Variants in C17orf99 observed in about 807,000 individuals in gnomAD.
C17orf99 encodes the protein protein IL-40.
A neutral mutation model predicts 22.6 loss-of-function variants in C17orf99; 18 were observed. That is an observed-to-expected ratio of 0.80 (90% CI 0.55 to 1.18). The LOEUF (loss-of-function observed/expected upper bound fraction) is 1.18, where lower values mean the gene tolerates loss of function less well. C17orf99 is among the 50% of genes most tolerant of loss of function. The probability of loss-of-function intolerance (pLI) is 0.00; values close to 1 mark genes in which losing one functional copy is unlikely to be tolerated. For synonymous variants in C17orf99, 147 were observed against 136.6 expected (o/e 1.08, Z -0.53); for missense variants, 328 against 342.7 (o/e 0.96, Z 0.34).
Position 78,161,046 on chromosome 17 carries a change from AC to A in C17orf99, c.164del (p.Pro55HisfsTer21). On this transcript the variant is annotated frameshift_variant, in exon 3 of 5. Coordinates refer to ENST00000340363, the MANE Select transcript of C17orf99 (RefSeq NM_001163075.2). LOFTEE classifies it high-confidence loss of function. ...TCATAACCTGCTGTGCACCCCAGCC[AC>A]CACCGCCCATCACCTATTCCCTCTG... is the stretch of plus-strand genomic sequence containing the variant. ...VLITCCAPQP[P>X]PPITYSLCGT... is the part of the protein sequence containing the mutation. 6.4e-7 allele frequency: 1 copy of A among 1,551,698 alleles called. No individual in the cohort carries two copies.
rs560 is a variant in C17orf99 at position 78,166,054 on chromosome 17, C to T, written c.*8C>T. On this transcript the variant is annotated 3_prime_UTR_variant, in exon 5 of 5. Coordinates refer to ENST00000340363, the MANE Select transcript of C17orf99 (RefSeq NM_001163075.2). Reference sequence around the variant, plus strand: ...AAAGCAGCAGCCATGTAGAATGAACCGTCCAGAGAGCCAAGCACGGCAGAG... The same window carrying T: ...AAAGCAGCAGCCATGTAGAATGAACTGTCCAGAGAGCCAAGCACGGCAGAG... 0.052 allele frequency: 62,882 copies of T among 1,209,840 alleles called. 2,634 individuals carry two copies. Among genetic ancestry groups the T allele is most frequent in the African/African-American group, 0.19 (12,233 of 65,086 alleles). The allele number at this position is 1,209,840 out of a possible 1,614,324, so 74.9% of individuals were successfully genotyped here. A position where few individuals can be genotyped will look rare whatever the true frequency, so the allele number is the denominator to read the frequency against.
rs542928772 is a variant in C17orf99, at chr17:78,165,299, C to T, written c.641-590C>T. On this transcript the variant is annotated intron_variant, in intron 4 of 4. Coordinates refer to ENST00000340363, the MANE Select transcript of C17orf99 (RefSeq NM_001163075.2). Reference sequence around the variant, plus strand: ...CCTCTGCCCGTGGCCCAGGCCCTTACGTGGCTCTACCAGGAGTCTGTCCTT... The same window carrying T: ...CCTCTGCCCGTGGCCCAGGCCCTTATGTGGCTCTACCAGGAGTCTGTCCTT... The T allele has an allele frequency of 1.0e-3, 1,035 of 985,980 alleles. 2 individuals carry two copies. Among genetic ancestry groups the T allele is most frequent in the Middle Eastern group, 7.8e-3 (15 of 1,918 alleles). 61.1% of individuals were successfully genotyped at this position (985,980 alleles called of 1,614,324 possible). A position where few individuals can be genotyped will look rare whatever the true frequency, so the allele number is the denominator to read the frequency against.
Position 78,164,467 on chromosome 17 carries a change from C to T in C17orf99, c.640+103C>T, listed in dbSNP as rs149977145. ...CGATGGGAAGTGGGACAGCTCTACC[C>T]GGCCACTGCTGAGAGCAGAGAGGGC... is the stretch of plus-strand genomic sequence containing the variant. On this transcript the variant is annotated intron_variant, in intron 4 of 4. Coordinates refer to ENST00000340363, the MANE Select transcript of C17orf99 (RefSeq NM_001163075.2). 3.0e-4 allele frequency: 461 copies of T among 1,546,412 alleles called. 3 individuals carry two copies. The African/African-American group carries it at 5.1e-3, about 17-fold the overall frequency.
In C17orf99 at chr17:78,160,172, T is replaced by C. The variant is rs568751646; in HGVS notation, c.71-783T>C. ...TTTTCTTTCTTTCTTTTTTCTTTAC[T>C]CTGAGGTCTACTGGTTTCACTTATT... On this transcript the variant is annotated intron_variant, in intron 2 of 4. Coordinates refer to ENST00000340363, the MANE Select transcript of C17orf99 (RefSeq NM_001163075.2). 6.5e-4 allele frequency: 295 copies of C among 454,432 alleles called. 2 individuals are homozygous for C. The highest frequency in any genetic ancestry group is 1.2e-3 in the Non-Finnish European group (269 of 226,542). The allele number at this position is 454,432 out of a possible 1,614,324, so 28.1% of individuals were successfully genotyped here.
intron 2 of C17orf99, among the ~76,000 whole-genome samples, chr17:78,149,114 C>G (rs1158470197): frequency 6.6e-6 from 1 of 151,938 alleles, no homozygotes; most frequent in Non-Finnish European, 1.5e-5. Context: ...GGCAGATCAC[C>G]TGAGGTCAGG....
At chr17:78,150,044 T>C (rs1267915967) in intron 2 of C17orf99, among the ~76,000 whole-genome samples, 1 of 148,942 alleles carries the variant, frequency 6.7e-6, no homozygotes, top group African/African-American at 2.5e-5. Context: ...GGTCTTGCCA[T>C]GTTGCCCAGG....
Position 78,166,152 on chromosome 17 carries a change from CCACAAA to C in C17orf99, c.*107_*112del. The C allele has an allele frequency of 4.6e-6, 1 of 215,918 alleles. No individual in the cohort carries two copies. The allele number at this position is 215,918 out of a possible 1,614,324, so 13.4% of individuals were successfully genotyped here. A position where few individuals can be genotyped will look rare whatever the true frequency, so the allele number is the denominator to read the frequency against. ...AATGAGTGTGTTTTAGCTGCTCTTGCCACAAAAAAAAAAAAAAAAAAAAAAGGGTAA... is the reference window on the plus strand; with the variant it reads ...AATGAGTGTGTTTTAGCTGCTCTTGCAAAAAAAAAAAAAAAAAAAGGGTAA... On this transcript the variant is annotated 3_prime_UTR_variant, in exon 5 of 5. Transcript: ENST00000340363.
chr17:78,152,554 C>T (rs959767416), intron 2 of C17orf99, among the ~76,000 whole-genome samples: 33 of 151,788 alleles, frequency 2.2e-4, no homozygotes, highest in African/African-American at 7.2e-4. Context: ...CGGCTGGTCT[C>T]GAACTTCTGA....
chr17:78,146,486 C>A lies in C17orf99; in HGVS notation c.37+42C>A. 6.5e-7 allele frequency: 1 copy of A among 1,540,612 alleles called. No individual in the cohort carries two copies. On this transcript the variant is annotated intron_variant, in intron 1 of 4. Coordinates refer to ENST00000340363, the MANE Select transcript of C17orf99 (RefSeq NM_001163075.2). This position sits in a 1 kb window ranked among gnomAD's most constrained non-coding sequence, Gnocchi z 5.2. ...CGTGATGGTGGGGCTGCTGCTGGGG[C>A]CTTGAGGTCTTGGGCTCAGGTGGGG...
rs61377640 is a variant in C17orf99 at position 78,166,155 on chromosome 17, CAAAAAAA to C, written c.*125_*131del. ...GAGTGTGTTTTAGCTGCTCTTGCCA[CAAAAAAA>C]AAAAAAAAAAAAAAAGGGTAACTAT... On this transcript the variant is annotated 3_prime_UTR_variant, in exon 5 of 5. Coordinates refer to ENST00000340363, the MANE Select transcript of C17orf99 (RefSeq NM_001163075.2). The C allele has an allele frequency of 3.9e-3, 560 of 145,404 alleles. No individual in the cohort carries two copies. Among genetic ancestry groups the C allele is most frequent in the Middle Eastern group, 4.9e-3 (2 of 408 alleles). The allele number at this position is 145,404 out of a possible 1,614,324, so 9.0% of individuals were successfully genotyped here. A position where few individuals can be genotyped will look rare whatever the true frequency, so the allele number is the denominator to read the frequency against.
chr17:78,162,336 T>TCAAACCCCACTCTGTCCAGCTC (rs2075584531), intron 3 of C17orf99, among the ~76,000 whole-genome samples: 1 of 150,274 alleles, frequency 6.7e-6, no homozygotes, highest in Non-Finnish European at 1.5e-5. Context: ...AAGGCTGCTT[T>TCAAACCCCACTCTGTCCAGCTC]CAAACCCCAC....
intron 2 of C17orf99, chr17:78,157,343 C>CGGCGGT: frequency 1.3e-6 from 1 of 755,130 alleles, no homozygotes; most frequent in South Asian, 1.6e-5. Context: ...GCGGCGGCGG[C>CGGCGGT]GGCGGTGGGC....
chr17:78,160,030 T>C (rs557713916), intron 2 of C17orf99: 4 of 454,370 alleles, frequency 8.8e-6, no homozygotes, highest in Middle Eastern at 3.3e-4. Context: ...CATGAGCGTG[T>C]GTGTACAGGT....
intron 4 of C17orf99, 61 bp from the exon 5 acceptor site, chr17:78,165,828 C>T: frequency 1.6e-6 from 2 of 1,280,102 alleles, no homozygotes; most frequent in South Asian, 3.0e-5. Context: ...TCTCAGACGC[C>T]TCGGGAGGGG....
chr17:78,164,564 A>G (rs2075603896), intron 4 of C17orf99, 200 bp downstream of exon 4: 5 of 1,532,456 alleles, frequency 3.3e-6, no homozygotes, highest in Non-Finnish European at 4.4e-6. Flanking sequence ...GCCCCCTCCC[A>G]GGAGGGTTGC....
intron 4 of C17orf99, chr17:78,165,058 G>A (rs916834598): frequency 2.5e-5 from 26 of 1,056,772 alleles, no homozygotes; most frequent in Admixed American, 5.4e-5. Flanking sequence ...CAGTCTTTCC[G>A]AGGTGGTGGC....
At chr17:78,155,122 C>T (rs1038864457) in intron 2 of C17orf99, among the ~76,000 whole-genome samples, 4 of 123,324 alleles carry the variant, frequency 3.2e-5, no homozygotes, top group Admixed American at 2.6e-4. Context: ...GCAGCAACCC[C>T]TATTTTTTTT....
rs1179092232 is a variant in C17orf99, at chr17:78,160,974, C to T, written c.90C>T (p.Ser30=). ...AREEEITPVV[S]IAYKVLEVFP... ...TCCCAGAAATTACCCCTGTGGTCTC[C>T]ATTGCCTACAAAGTCCTGGAAGTTT... The change falls in exon 3 of 5, where the codon TCC becomes TCT. Residue 30 remains serine (S), a synonymous_variant. Transcript: ENST00000340363. 2 of 1,551,432 alleles carry T rather than the reference C, an allele frequency of 1.3e-6. No homozygotes were observed. Among genetic ancestry groups the T allele is most frequent in the South Asian group, 2.4e-5 (2 of 84,062 alleles).
At position 78,153,233 on chromosome 17, in the gene C17orf99, C is replaced by T. The variant is rs372897684; in HGVS notation, c.70+6322C>T. On this transcript the variant is annotated intron_variant, in intron 2 of 4. Coordinates refer to ENST00000340363, the MANE Select transcript of C17orf99 (RefSeq NM_001163075.2). ...GGGACGGTGGCTCACCCTGTAATCC[C>T]GGCACTCTGGGAGGCCGACGGGGGT... is the stretch of plus-strand genomic sequence containing the variant. 9.2e-5 allele frequency among the ~76,000 whole-genome samples: 14 copies of T among 152,152 alleles called. No individual in the cohort carries two copies. The South Asian group carries it at 1.9e-3, about 20-fold the overall frequency.
Sources: allele counts gnomAD v4.1 joint callset (sites outside exome capture counted in the v4.1 genomes callset), GRCh38; gene constraint gnomAD v4.1.1; non-coding constraint Gnocchi (gnomAD v3.1); transcripts MANE v1.5; gene names NCBI Gene and HGNC (gene_info 2026-07-23, HGNC 2026-07-21).